The following WWP2 variants were observed in gnomAD, a reference collection of about 807,000 sequenced individuals.
WWP2 encodes the protein NEDD4-like E3 ubiquitin-protein ligase WWP2.
A neutral mutation model predicts 121.0 loss-of-function variants in WWP2; 57 were observed. The ratio of observed to expected loss-of-function variants is 0.47; its 90% confidence interval spans 0.38 to 0.59. The LOEUF (loss-of-function observed/expected upper bound fraction) is 0.59, where lower values mean the gene tolerates loss of function less well. Ranked by LOEUF, WWP2 falls within the 20% of genes least tolerant of loss-of-function variation. The pLI, the probability that WWP2 is intolerant of heterozygous loss-of-function variation, is 0.00. For missense variants in WWP2, 962 were observed against 1,158.9 expected (o/e 0.83, Z 2.47); for synonymous variants, 449 against 441.3 (o/e 1.02, Z -0.22).
chr16:69,936,164 T>A, intron 18 of WWP2, 148 bp from the exon 19 acceptor site: 3 of 1,431,302 alleles, frequency 2.1e-6, no homozygotes, highest in Non-Finnish European at 2.9e-6. Context: ...TTCTAGAACC[T>A]TCTCCTTGAG....
At chr16:69,786,420 T>G (rs1477889358) in intron 1 of WWP2, among the ~76,000 whole-genome samples, 1 of 149,114 alleles carries the variant, frequency 6.7e-6, no homozygotes, top group African/African-American at 2.5e-5. Flanking sequence ...ATTACAGGCA[T>G]GAGCCACTGC....
At chr16:69,907,876 A>G (rs946308125) in intron 8 of WWP2, among the ~76,000 whole-genome samples, 1 of 152,224 alleles carries the variant, frequency 6.6e-6, no homozygotes, top group African/African-American at 2.4e-5. Context: ...TCTGTAAATG[A>G]ATCTTATATT....
At chr16:69,879,204 T>C (rs1327706074) in intron 7 of WWP2, among the ~76,000 whole-genome samples, 1 of 152,194 alleles carries the variant, frequency 6.6e-6, no homozygotes, top group East Asian at 1.9e-4. Context: ...TTTTTAAAAA[T>C]TGTAGTGAAA....
chr16:69,793,167 A>G (rs1377861150), intron 2 of WWP2, among the ~76,000 whole-genome samples: 3 of 152,064 alleles, frequency 2.0e-5, no homozygotes, highest in Admixed American at 1.3e-4. Context: ...CCTCGCCAAG[A>G]TGGTGAAATC....
intron 8 of WWP2, among the ~76,000 whole-genome samples, chr16:69,898,373 T>C (rs1439981147): frequency 1.3e-5 from 2 of 152,156 alleles, no homozygotes; most frequent in Non-Finnish European, 2.9e-5. Context: ...TTCTGCATTA[T>C]AGGAAATGAA....
At position 69,894,075 on chromosome 16, in the gene WWP2, A is replaced by AT. The variant is rs113980202; in HGVS notation, c.914+5840dup. On this transcript the variant is annotated intron_variant, in intron 8 of 23. Coordinates refer to ENST00000359154, the MANE Select transcript of WWP2 (RefSeq NM_001270454.2). Reference sequence around the variant, plus strand: ...ATGGCTGTATTTTTCAGGTTGCTGCATTTTTTTTTTTTTTAACTGAGATGG... The same window carrying AT: ...ATGGCTGTATTTTTCAGGTTGCTGCATTTTTTTTTTTTTTTAACTGAGATGG... Among the ~76,000 whole-genome samples the AT allele has an allele frequency of 3.5e-3, 484 of 138,974 alleles. 1 individual carries two copies. Among genetic ancestry groups the AT allele is most frequent in the Non-Finnish European group, 3.9e-3 (247 of 63,472 alleles). 91.2% of individuals were successfully genotyped at this position (138,974 alleles called of 152,430 possible).
chr16:69,937,141 C>G lies in WWP2; in HGVS notation c.2141C>G (p.Thr714Ser), dbSNP rs760810777. ...YIMLLTDWRFTRGVEEQTKAF... is the reference protein window; with the variant it reads ...YIMLLTDWRFSRGVEEQTKAF... ...AGGCTGCTGACTGACTGGCGTTTCA[C>G]CCGAGGCGTGGAAGAGCAGACCAAA... Residue 714 changes from threonine to serine, a missense_variant, in exon 20 of 24, where the codon ACC becomes AGC. Thr to Ser is a moderately conservative substitution (Grantham distance 58, BLOSUM62 1). This residue lies in a region of WWP2 where 606 missense variants were observed against 772.6 expected (regional missense o/e 0.78). Coordinates refer to ENST00000359154, the MANE Select transcript of WWP2 (RefSeq NM_001270454.2). This position sits in a 1 kb window ranked among gnomAD's most constrained non-coding sequence, Gnocchi z 6.6. 2.0e-5 allele frequency: 33 copies of G among 1,613,802 alleles called. No homozygotes were observed. Among genetic ancestry groups the G allele is most frequent in the Non-Finnish European group, 2.5e-5 (30 of 1,179,952 alleles).
At chr16:69,887,117 G>T (rs72785059) in intron 7 of WWP2, among the ~76,000 whole-genome samples, 8,070 of 152,276 alleles carry the variant, frequency 0.053, 276 homozygotes, top group Middle Eastern at 0.11. Context: ...GATCATCAAA[G>T]AGGTGAAGAG....
At chr16:69,893,172 C>G (rs2058055507) in intron 8 of WWP2, among the ~76,000 whole-genome samples, 1 of 152,240 alleles carries the variant, frequency 6.6e-6, no homozygotes, top group African/African-American at 2.4e-5. Context: ...AGTAAATCCT[C>G]TGGGACTCCC....
rs1385984226 is a variant in WWP2 at position 69,912,918 on chromosome 16, CAAAACAAAAAAAAAAAAAAAA to C, written c.1004+4073_1004+4093del. On this transcript the variant is annotated intron_variant, in intron 9 of 23. Coordinates refer to ENST00000359154, the MANE Select transcript of WWP2 (RefSeq NM_001270454.2). ...GCAACATATGGAGAACCAGTCTCTA[CAAAACAAAAAAAAAAAAAAAA>C]AAAAAAAAAAAAAAAAATATATATA... Among the ~76,000 whole-genome samples, 184 of 31,800 alleles carry C rather than the reference CAAAACAAAAAAAAAAAAAAAA, an allele frequency of 5.8e-3. 12 individuals carry two copies. The highest frequency in any genetic ancestry group is 0.025 in the Middle Eastern group (1 of 40). The allele number at this position is 31,800 out of a possible 152,430, so 20.9% of individuals were successfully genotyped here. A position where few individuals can be genotyped will look rare whatever the true frequency, so the allele number is the denominator to read the frequency against.
chr16:69,907,539 G>A (rs2058312935), intron 8 of WWP2, among the ~76,000 whole-genome samples: 1 of 152,196 alleles, frequency 6.6e-6, no homozygotes, highest in African/African-American at 2.4e-5. Flanking sequence ...TAATATCCTT[G>A]AGAAAGTGGT....
At chr16:69,774,541 G>GCCA (rs1360655077) in intron 1 of WWP2, among the ~76,000 whole-genome samples, 1 of 152,170 alleles carries the variant, frequency 6.6e-6, no homozygotes, top group East Asian at 1.9e-4. Context: ...ACATGCATGA[G>GCCA]CCACCACTGC....
At chr16:69,769,023 A>G (rs1384140415) in intron 1 of WWP2, among the ~76,000 whole-genome samples, 1 of 152,204 alleles carries the variant, frequency 6.6e-6, no homozygotes, top group Non-Finnish European at 1.5e-5. Flanking sequence ...CATATCTTTC[A>G]AGAAATGAGT....
At chr16:69,878,641 CG>C in intron 7 of WWP2, among the ~76,000 whole-genome samples, 1 of 152,096 alleles carries the variant, frequency 6.6e-6, no homozygotes, top group Non-Finnish European at 1.5e-5. Context: ...GGATTGCAGA[CG>C]TGAGCCACTG....
chr16:69,883,954 G>A (rs773172044), intron 7 of WWP2, among the ~76,000 whole-genome samples: 14 of 152,064 alleles, frequency 9.2e-5, no homozygotes, highest in Admixed American at 2.6e-4. Context: ...CAGCTATTTC[G>A]TAATAATTAT....
chr16:69,906,225 A>G (rs2058290004), intron 8 of WWP2, among the ~76,000 whole-genome samples: 1 of 151,998 alleles, frequency 6.6e-6, no homozygotes, highest in African/African-American at 2.4e-5. Flanking sequence ...GGTGCCTGCC[A>G]CCATGCCCAG....
chr16:69,832,782 A>C (rs1220273408), intron 4 of WWP2, among the ~76,000 whole-genome samples: 1 of 152,196 alleles, frequency 6.6e-6, no homozygotes, highest in East Asian at 1.9e-4. Context: ...AACTCAAGTG[A>C]TCTGCCTGCC....
intron 2 of WWP2, among the ~76,000 whole-genome samples, chr16:69,790,014 A>G (rs2055875419): frequency 6.6e-6 from 1 of 152,202 alleles, no homozygotes. Flanking sequence ...AGGCTGAGGC[A>G]GACAGATTCC....
rs144460842 is a variant in WWP2, at chr16:69,877,358, C to G, written c.703+5427C>G. On this transcript the variant is annotated intron_variant, in intron 7 of 23. Coordinates refer to ENST00000359154, the MANE Select transcript of WWP2 (RefSeq NM_001270454.2). ...CTGCAACTTCCTCACCACTCTCAGCCTTCATAGAATTGAAGAGGGTTCGGG... is the reference window on the plus strand; with the variant it reads ...CTGCAACTTCCTCACCACTCTCAGCGTTCATAGAATTGAAGAGGGTTCGGG... 1.1e-3 allele frequency among the ~76,000 whole-genome samples: 170 copies of G among 152,318 alleles called. 1 individual carries two copies. Among genetic ancestry groups the G allele is most frequent in the African/African-American group, 3.6e-3 (151 of 41,566 alleles).
Sources: allele counts gnomAD v4.1 joint callset (sites outside exome capture counted in the v4.1 genomes callset), GRCh38; gene constraint gnomAD v4.1.1; regional missense constraint gnomAD v4.1.1; non-coding constraint Gnocchi (gnomAD v3.1); transcripts MANE v1.5; gene names NCBI Gene and HGNC (gene_info 2026-07-23, HGNC 2026-07-21).